Variants in SLC4A7 observed in about 807,000 individuals in gnomAD.
SLC4A7 encodes solute carrier family 4 member 7.
SLC4A7 carries 51 observed loss-of-function variants against 137.6 expected under a neutral mutation model. The observed-to-expected ratio is 0.37, with a 90% CI of 0.30 to 0.47. The LOEUF (loss-of-function observed/expected upper bound fraction) is 0.47. Ranked by LOEUF, SLC4A7 falls within the 20% of genes least tolerant of loss-of-function variation. SLC4A7 has a pLI of 1.00. For synonymous variants in SLC4A7, 542 were observed against 518.6 expected (o/e 1.05, Z -0.61); for missense variants, 1,247 against 1,525.4 (o/e 0.82, Z 3.04).
chr3:27,451,879 G>A (rs2058094193), intron 2 of SLC4A7, among the ~76,000 whole-genome samples: 1 of 152,128 alleles, frequency 6.6e-6, no homozygotes, highest in South Asian at 2.1e-4. Context: ...GAGGAACTAT[G>A]TGCTGTCTTT....
At chr3:27,466,605 A>T (rs2059012129) in intron 1 of SLC4A7, among the ~76,000 whole-genome samples, 1 of 152,336 alleles carries the variant, frequency 6.6e-6, no homozygotes, top group African/African-American at 2.4e-5. Flanking sequence ...AGGCAGGTGG[A>T]TCACCTGAGG....
At position 27,376,377 on chromosome 3, in the gene SLC4A7, A is replaced by G. The variant is rs1576021846; in HGVS notation, c.*387T>C. ...AAAGCACTAACAAAAGTGAAATAAT[A>G]TGTGAAAATTTCAGGAAACACCTAA... On this transcript the variant is annotated 3_prime_UTR_variant, in exon 26 of 26. Transcript: ENST00000454389. 1 of 154,442 alleles carries G rather than the reference A, an allele frequency of 6.5e-6. No individual in the cohort carries two copies. Among genetic ancestry groups the G allele is most frequent in the East Asian group, 1.9e-4 (1 of 5,288 alleles). The allele number at this position is 154,442 out of a possible 1,614,324, so 9.6% of individuals were successfully genotyped here. A position where few individuals can be genotyped will look rare whatever the true frequency, so the allele number is the denominator to read the frequency against.
chr3:27,389,241 T>A (rs2051285911), intron 22 of SLC4A7, among the ~76,000 whole-genome samples: 1 of 152,160 alleles, frequency 6.6e-6, no homozygotes, highest in Admixed American at 6.5e-5. Flanking sequence ...TCAATACCTC[T>A]AGATGGTTTT....
At chr3:27,435,820 G>C (rs1231795434) in intron 5 of SLC4A7, among the ~76,000 whole-genome samples, 1 of 152,002 alleles carries the variant, frequency 6.6e-6, no homozygotes, top group Non-Finnish European at 1.5e-5. Context: ...CATCCAGCCT[G>C]GATGACAGTG....
chr3:27,483,995 GC>G, intron 1 of SLC4A7, 71 bp downstream of exon 1: 20 of 1,169,104 alleles, frequency 1.7e-5, no homozygotes, highest in South Asian at 5.5e-5. Context: ...CGCCCGCCGC[GC>G]CCCCCGCCTT....
chr3:27,483,800 C>A (rs1576721973), intron 1 of SLC4A7, among the ~76,000 whole-genome samples: 1 of 151,912 alleles, frequency 6.6e-6, no homozygotes, highest in East Asian at 1.9e-4. Context: ...TGTCGGGGTC[C>A]CGCCTGAGCC....
At chr3:27,481,197 TC>T (rs987329368) in intron 1 of SLC4A7, among the ~76,000 whole-genome samples, 2 of 152,050 alleles carry the variant, frequency 1.3e-5, no homozygotes, top group Non-Finnish European at 2.9e-5. Flanking sequence ...ACAAATCAAT[TC>T]CAAGTGAGGC....
At chr3:27,424,401 A>G (rs377524065) in intron 7 of SLC4A7, 10 of 299,272 alleles carry the variant, frequency 3.3e-5, no homozygotes, top group East Asian at 1.1e-4. Flanking sequence ...CCTTTTGCAA[A>G]AAGAAATAAA....
intron 22 of SLC4A7, among the ~76,000 whole-genome samples, chr3:27,389,245 T>C (rs1344356385): frequency 6.6e-6 from 1 of 152,154 alleles, no homozygotes; most frequent in African/African-American, 2.4e-5. Flanking sequence ...TACCTCTAGA[T>C]GGTTTTTTAA....
chr3:27,444,530 T>C (rs1358402080), intron 3 of SLC4A7, among the ~76,000 whole-genome samples: 1 of 152,214 alleles, frequency 6.6e-6, no homozygotes, highest in Non-Finnish European at 1.5e-5. Flanking sequence ...TTTTGGATAG[T>C]TACTATCACT....
chr3:27,425,862 T>C (rs191546387), intron 7 of SLC4A7, among the ~76,000 whole-genome samples: 112 of 152,094 alleles, frequency 7.4e-4, no homozygotes, highest in African/African-American at 2.7e-3. Flanking sequence ...CTGAACATTA[T>C]AGGAGGAAAA....
intron 1 of SLC4A7, among the ~76,000 whole-genome samples, chr3:27,483,136 A>G (rs115370976): frequency 0.012 from 1,839 of 152,334 alleles, 13 homozygotes; most frequent in Middle Eastern, 0.031. Flanking sequence ...AATTTAGAAT[A>G]CTTCCATCTC....
intron 1 of SLC4A7, among the ~76,000 whole-genome samples, chr3:27,473,212 C>T (rs1214822868): frequency 6.6e-6 from 1 of 151,970 alleles, no homozygotes; most frequent in Non-Finnish European, 1.5e-5. Flanking sequence ...GGCCAGAGGA[C>T]CACTTGAGCC....
At chr3:27,398,112 T>A in intron 17 of SLC4A7, 80 bp downstream of exon 17, 1 of 1,016,692 alleles carries the variant, frequency 9.8e-7, no homozygotes, top group Non-Finnish European at 1.5e-6. Flanking sequence ...AAAAAATATA[T>A]TACTGTTTTG....
chr3:27,426,993 A>C (rs1385242719), intron 7 of SLC4A7, among the ~76,000 whole-genome samples: 2 of 152,226 alleles, frequency 1.3e-5, no homozygotes, highest in East Asian at 3.8e-4. Flanking sequence ...ATTTTCTTTA[A>C]ATTTTTCTTT....
chr3:27,442,191 T>A (rs1012976858), intron 3 of SLC4A7, among the ~76,000 whole-genome samples: 1 of 152,178 alleles, frequency 6.6e-6, no homozygotes, highest in Non-Finnish European at 1.5e-5. Flanking sequence ...TGGCATTGAT[T>A]GTAGTTTTGA....
rs1489751950 is a variant in SLC4A7 at position 27,394,586 on chromosome 3, G to C, written c.3049C>G (p.Gln1017Glu). ...AAAATCATTAGCCCTGTAACCCGCTGTTCACGAATTCCCAAAAACTTGGGT... is the reference window on the plus strand; with the variant it reads ...AAAATCATTAGCCCTGTAACCCGCTCTTCACGAATTCCCAAAAACTTGGGT... ...EQPKFLGIRE[Q>E]RVTGLMIFIL... The change falls in exon 20 of 26, where the codon CAG becomes GAG. Residue 1017 changes from glutamine to glutamate, a missense_variant. This residue lies in a region of SLC4A7 where 290 missense variants were observed against 323.8 expected (regional missense o/e 0.90). Transcript: ENST00000454389. 5 of 1,613,964 alleles carry C rather than the reference G, an allele frequency of 3.1e-6. No individual in the cohort carries two copies. The highest frequency in any genetic ancestry group is 4.2e-6 in the Non-Finnish European group (5 of 1,179,956).
chr3:27,472,863 T>A (rs1196187518), intron 1 of SLC4A7, among the ~76,000 whole-genome samples: 1 of 152,090 alleles, frequency 6.6e-6, no homozygotes, highest in East Asian at 1.9e-4. Flanking sequence ...GCAGATCACC[T>A]GAGGTTAGGA....
intron 14 of SLC4A7, among the ~76,000 whole-genome samples, chr3:27,403,893 T>C (rs548687952): frequency 1.3e-5 from 2 of 152,330 alleles, no homozygotes; most frequent in East Asian, 3.9e-4. Context: ...CTTCAAGAAA[T>C]TACCAGAATC....
Sources: gnomAD v4.1 joint callset for allele counts (sites outside exome capture counted in the v4.1 genomes callset) on GRCh38, gnomAD v4.1.1 for gene constraint, gnomAD v4.1.1 regional missense constraint, MANE v1.5 for transcripts, NCBI Gene and HGNC (gene_info 2026-07-23, HGNC 2026-07-21) for gene names.